The following SLIT2 variants were observed in gnomAD, a reference collection of about 807,000 sequenced individuals.
The protein encoded by SLIT2 is slit guidance ligand 2.
In SLIT2, 41 loss-of-function variants were observed where a neutral mutation model predicts 185.7. The ratio of observed to expected loss-of-function variants is 0.22; its 90% CI spans 0.17 to 0.29. The LOEUF is 0.29. SLIT2 is among the 10% of genes least tolerant of loss of function. SLIT2 has a pLI of 1.00. For synonymous variants in SLIT2, 693 were observed against 680.2 expected, an observed-to-expected ratio of 1.02 and a Z score of -0.29; for missense variants, 1,571 against 1,909.0, an observed-to-expected ratio of 0.82 and a Z score of 3.30.
chr4:20,319,624 C>T (rs1036484173), intron 4 of SLIT2, among the ~76,000 whole-genome samples: 2 of 151,942 alleles, frequency 1.3e-5, no homozygotes. Context: ...CCACAAGGGT[C>T]AAGATCACAT....
intron 20 of SLIT2, 29 bp from the exon 21 acceptor site, chr4:20,542,465 G>C: frequency 6.2e-7 from 1 of 1,610,962 alleles, no homozygotes; most frequent in Non-Finnish European, 8.5e-7. Context: ...CACAAATCTT[G>C]GTTTTCCTGT....
chr4:20,345,146 T>A (rs1345578256), intron 4 of SLIT2, among the ~76,000 whole-genome samples: 1 of 152,326 alleles, frequency 6.6e-6, no homozygotes, highest in African/African-American at 2.4e-5. Flanking sequence ...TAAGTTTGCA[T>A]CCTATGAGGC....
chr4:20,517,288 T>A (rs1474214239), intron 11 of SLIT2, among the ~76,000 whole-genome samples: 1 of 152,178 alleles, frequency 6.6e-6, no homozygotes, highest in Admixed American at 6.5e-5. Context: ...CAGACTCAAT[T>A]GAATTGAGCA....
chr4:20,541,343 A>G lies in SLIT2; in HGVS notation c.1977-110A>G, dbSNP rs997184026. 10 of 864,346 alleles carry G rather than the reference A, an allele frequency of 1.2e-5. No individual in the cohort carries two copies. In the Admixed American group the frequency reaches 1.3e-4, roughly 11 times the overall value. 53.5% of individuals were successfully genotyped at this position (864,346 alleles called of 1,614,324 possible). On this transcript the variant is annotated intron_variant, in intron 19 of 36. Transcript: ENST00000504154. ...AGAATGGGGACAGGGAATGCAAAGA[A>G]GAAGGAATCATTCCAGCGGAAATAG...
At chr4:20,558,344 C>T (rs998492119) in intron 26 of SLIT2, among the ~76,000 whole-genome samples, 3 of 152,002 alleles carry the variant, frequency 2.0e-5, no homozygotes, top group Non-Finnish European at 2.9e-5. Context: ...AACCATTACC[C>T]TGATCAGTCT....
chr4:20,620,442 T>C lies in SLIT2; in HGVS notation c.*1433T>C, dbSNP rs1394383004. The C allele has an allele frequency of 2.2e-6, 1 of 454,734 alleles. No homozygotes were observed. The highest frequency in any genetic ancestry group is 1.6e-5 in the South Asian group (1 of 64,008). The allele number at this position is 454,734 out of a possible 1,614,324, so 28.2% of individuals were successfully genotyped here. A position where few individuals can be genotyped will look rare whatever the true frequency, so the allele number is the denominator to read the frequency against. On this transcript the variant is annotated 3_prime_UTR_variant, in exon 37 of 37. Transcript: ENST00000504154. Reference sequence around the variant, plus strand: ...GATGCAGATGTTTCTTCCTGAAAACTTCTTTTTTTACAAAGAAAATTAGAT... The same window carrying C: ...GATGCAGATGTTTCTTCCTGAAAACCTCTTTTTTTACAAAGAAAATTAGAT...
intron 4 of SLIT2, among the ~76,000 whole-genome samples, chr4:20,298,329 T>C (rs757335690): frequency 4.6e-5 from 7 of 152,274 alleles, no homozygotes; most frequent in Admixed American, 2.0e-4. Context: ...CCTCAGGTGA[T>C]CTGCCTGCCT....
chr4:20,378,259 T>G (rs530289711), intron 4 of SLIT2, among the ~76,000 whole-genome samples: 1 of 152,152 alleles, frequency 6.6e-6, no homozygotes, highest in Non-Finnish European at 1.5e-5. Flanking sequence ...TTTCACATAA[T>G]AGAAAAAAAT....
intron 33 of SLIT2, among the ~76,000 whole-genome samples, chr4:20,605,165 G>C (rs1728692255): frequency 6.7e-6 from 1 of 149,972 alleles, no homozygotes; most frequent in South Asian, 2.1e-4. Context: ...GCAAGAAGTT[G>C]AAGCTCACAT....
At chr4:20,345,159 G>T (rs999421582) in intron 4 of SLIT2, among the ~76,000 whole-genome samples, 2 of 152,124 alleles carry the variant, frequency 1.3e-5, no homozygotes, top group African/African-American at 4.8e-5. Flanking sequence ...TATGAGGCAG[G>T]TAAGAAATTA....
chr4:20,320,245 C>CAT (rs970626968), intron 4 of SLIT2, among the ~76,000 whole-genome samples: 6 of 152,184 alleles, frequency 3.9e-5, no homozygotes, highest in Non-Finnish European at 8.8e-5. Context: ...CCAGCCCCAA[C>CAT]ATTCTCATTC....
chr4:20,301,217 A>G (rs1216840851), intron 4 of SLIT2, among the ~76,000 whole-genome samples: 2 of 152,182 alleles, frequency 1.3e-5, no homozygotes, highest in Non-Finnish European at 2.9e-5. Flanking sequence ...AAATTTATGA[A>G]CAATGATAAC....
chr4:20,374,979 C>CT (rs1202608141), intron 4 of SLIT2, among the ~76,000 whole-genome samples: 10 of 151,150 alleles, frequency 6.6e-5, no homozygotes, highest in Middle Eastern at 3.2e-3. Context: ...TTTATTATTG[C>CT]TTTTTTTTTC....
intron 4 of SLIT2, among the ~76,000 whole-genome samples, chr4:20,271,794 C>T (rs1306962687): frequency 1.3e-5 from 2 of 151,968 alleles, no homozygotes; most frequent in East Asian, 1.9e-4. Context: ...ATATACTGGA[C>T]ATTGTGTTGC....
rs1264423639 is a variant in SLIT2 at position 20,488,925 on chromosome 4, T to C, written c.718T>C (p.Ser240Pro). ...VGLYTQCMGP[S>P]HLRGHNVAEV... ...TCTGTACACTCAGTGTATGGGCCCC[T>C]CCCACCTGAGAGGCCATAATGTAGC... Residue 240 changes from serine to proline, a missense_variant, in exon 8 of 37, where the codon TCC becomes CCC. Ser to Pro is a moderately conservative substitution (Grantham distance 74, BLOSUM62 -1). This residue lies in a region of SLIT2 where 1,202 missense variants were observed against 1,416.4 expected (regional missense o/e 0.85). Coordinates refer to ENST00000504154, the MANE Select transcript of SLIT2 (RefSeq NM_004787.4). The C allele has an allele frequency of 6.2e-7, 1 of 1,611,774 alleles. No homozygotes were observed. The highest frequency in any genetic ancestry group is 1.7e-5 in the Admixed American group (1 of 59,982).
chr4:20,583,219 T>C (rs935394701), intron 29 of SLIT2, among the ~76,000 whole-genome samples: 1 of 152,126 alleles, frequency 6.6e-6, no homozygotes, highest in East Asian at 1.9e-4. Flanking sequence ...TAGTTTGTTG[T>C]TGTTGTTGTT....
intron 9 of SLIT2, among the ~76,000 whole-genome samples, chr4:20,509,497 CA>C (rs1432841309): frequency 3.9e-5 from 6 of 152,086 alleles, no homozygotes; most frequent in Middle Eastern, 3.2e-3. Context: ...TTCTCCCCGC[CA>C]ACCTTTCACC....
intron 4 of SLIT2, among the ~76,000 whole-genome samples, chr4:20,354,886 C>CGTGT (rs370122919): frequency 1.7e-3 from 233 of 135,976 alleles, no homozygotes; most frequent in Non-Finnish European, 1.8e-3. Flanking sequence ...GGCAAGTCTG[C>CGTGT]GTGTGTGTGT....
rs929808828 is a variant in SLIT2 at position 20,254,140 on chromosome 4, G to T, written c.179+146G>T. 4.9e-6 allele frequency: 4 copies of T among 820,142 alleles called. No individual in the cohort carries two copies. In the Admixed American group the frequency reaches 1.1e-4, roughly 22 times the overall value. 50.8% of individuals were successfully genotyped at this position (820,142 alleles called of 1,614,324 possible). ...TGCACATCCTGGGGTTGAGCTCTCC[G>T]GGAGGGCACTGGCCAGGGAAGGGCC... is the stretch of plus-strand genomic sequence containing the variant. On this transcript the variant is annotated intron_variant, in intron 1 of 36. Transcript: ENST00000504154. This position sits in a 1 kb window ranked among gnomAD's most constrained non-coding sequence, Gnocchi z 5.1.
Sources: gnomAD v4.1 joint callset for allele counts (sites outside exome capture counted in the v4.1 genomes callset) on GRCh38, gnomAD v4.1.1 for gene constraint, gnomAD v4.1.1 regional missense constraint, Gnocchi (gnomAD v3.1) non-coding constraint, MANE v1.5 for transcripts, NCBI Gene and HGNC (gene_info 2026-07-23, HGNC 2026-07-21) for gene names.